Variants in RPS6KA2 observed in about 807,000 individuals in gnomAD.
RPS6KA2 encodes the protein ribosomal protein S6 kinase alpha-2.
RPS6KA2 carries 42 observed loss-of-function variants against 91.8 expected under a neutral mutation model. The ratio of observed to expected loss-of-function variants is 0.46; its 90% confidence interval spans 0.36 to 0.59. RPS6KA2 has a LOEUF of 0.59. RPS6KA2 is among the 20% of genes least tolerant of loss of function. The probability of loss-of-function intolerance (pLI) is 0.00; values close to 1 mark genes in which losing one functional copy is unlikely to be tolerated. For synonymous variants in RPS6KA2, 414 were observed against 393.6 expected (o/e 1.05, Z -0.61); for missense variants, 798 against 978.5 (o/e 0.82, Z 2.46).
intron 2 of RPS6KA2, among the ~76,000 whole-genome samples, chr6:166,749,818 C>G (rs1791220260): frequency 1.3e-5 from 2 of 149,062 alleles, no homozygotes; most frequent in South Asian, 4.4e-4. Flanking sequence ...TCTGCACTGC[C>G]TGGCTGGGAG....
Position 166,526,341 on chromosome 6 carries a change from CTTTTTTTTTTT to C in RPS6KA2, c.298+4880_298+4890del, listed in dbSNP as rs10616497. ...TTTCTATTCTTCTATGTTTATATGG[CTTTTTTTTTTT>C]TTTTTTTTTTTTGGACAGGGTCTTG... On this transcript the variant is annotated intron_variant, in intron 3 of 20. Transcript: ENST00000265678. Among the ~76,000 whole-genome samples, 39 of 101,874 alleles carry C rather than the reference CTTTTTTTTTTT, an allele frequency of 3.8e-4. No individual in the cohort carries two copies. The East Asian group carries it at 9.8e-3, about 26-fold the overall frequency. 66.8% of individuals were successfully genotyped at this position (101,874 alleles called of 152,430 possible).
At chr6:166,643,435 C>T (rs565120639) in intron 2 of RPS6KA2, among the ~76,000 whole-genome samples, 3 of 152,116 alleles carry the variant, frequency 2.0e-5, no homozygotes, top group Non-Finnish European at 2.9e-5. Context: ...TAATGTCATA[C>T]ATAGGATGCA....
chr6:166,689,167 C>T (rs1056816863), intron 2 of RPS6KA2, among the ~76,000 whole-genome samples: 1 of 152,254 alleles, frequency 6.6e-6, no homozygotes, highest in Admixed American at 6.5e-5. Flanking sequence ...AAAGCCCTCG[C>T]TTTCTCAGTG....
At chr6:166,817,716 CTT>C (rs67738740) in intron 2 of RPS6KA2, among the ~76,000 whole-genome samples, 74,942 of 141,100 alleles carry the variant, frequency 0.53, 19,841 homozygotes, top group Middle Eastern at 0.64. Context: ...CATCTTTTTT[CTT>C]TTTTTCTTTT....
Position 166,500,477 on chromosome 6 carries a change from C to T in RPS6KA2, c.604+410G>A, listed in dbSNP as rs138504409. On this transcript the variant is annotated intron_variant, in intron 7 of 20. Coordinates refer to ENST00000265678, the MANE Select transcript of RPS6KA2 (RefSeq NM_021135.6). This position sits in a 1 kb window ranked among gnomAD's most constrained non-coding sequence, Gnocchi z 4.3. ...CATCAGTGAGGGCAGCAGTGCAGGC[C>T]GCACTCCAGCGAGACTCCAGATGTC... 1.4e-4 allele frequency among the ~76,000 whole-genome samples: 21 copies of T among 152,222 alleles called. No individual in the cohort carries two copies. The highest frequency in any genetic ancestry group is 5.8e-4 in the East Asian group (3 of 5,190).
chr6:166,740,536 T>C (rs78311864), intron 2 of RPS6KA2, among the ~76,000 whole-genome samples: 1,545 of 152,350 alleles, frequency 0.01, 21 homozygotes, highest in African/African-American at 0.035. Context: ...CCAGTCTTTA[T>C]GTTCTTAAGT....
intron 1 of RPS6KA2, among the ~76,000 whole-genome samples, chr6:166,859,551 C>T (rs1780996112): frequency 6.6e-6 from 1 of 152,190 alleles, no homozygotes; most frequent in African/African-American, 2.4e-5. Context: ...GTTGCCTTGT[C>T]AACACACCCA....
chr6:166,687,183 C>T (rs1382448611), intron 2 of RPS6KA2, among the ~76,000 whole-genome samples: 1 of 152,228 alleles, frequency 6.6e-6, no homozygotes, highest in African/African-American at 2.4e-5. Context: ...ATTGCAACAG[C>T]AGCCACCGCG....
chr6:166,655,570 A>C (rs551536341), intron 2 of RPS6KA2, among the ~76,000 whole-genome samples: 1 of 152,380 alleles, frequency 6.6e-6, no homozygotes, highest in Admixed American at 6.5e-5. Context: ...GAGACAGAGC[A>C]GGGCGGGTAA....
In RPS6KA2 at chr6:166,495,452, G is replaced by T. The variant is rs374336872; in HGVS notation, c.747+3056C>A. On this transcript the variant is annotated intron_variant, in intron 8 of 20. Transcript: ENST00000265678. This position sits in a 1 kb window ranked among gnomAD's most constrained non-coding sequence, Gnocchi z 4.4. ...AGGAGAGTGCCTGCTGTGTTGACGT[G>T]CCGGGCAGCGCTGGGCCAGGCCTCC... 6.6e-6 allele frequency among the ~76,000 whole-genome samples: 1 copy of T among 152,168 alleles called. No individual in the cohort carries two copies. Among genetic ancestry groups the T allele is most frequent in the African/African-American group, 2.4e-5 (1 of 41,420 alleles).
At chr6:166,658,940 C>T (rs973125941) in intron 2 of RPS6KA2, among the ~76,000 whole-genome samples, 2 of 152,142 alleles carry the variant, frequency 1.3e-5, no homozygotes, top group Admixed American at 1.3e-4. Flanking sequence ...GAACCCGCCC[C>T]GACACGTGAC....
At chr6:166,591,855 G>A (rs1423965524) in intron 1 of RPS6KA2, among the ~76,000 whole-genome samples, 2 of 152,200 alleles carry the variant, frequency 1.3e-5, no homozygotes, top group African/African-American at 2.4e-5. Flanking sequence ...TCAAGCCTGT[G>A]TGTATTACAC....
chr6:166,739,282 C>T (rs973982390), intron 2 of RPS6KA2, among the ~76,000 whole-genome samples: 1 of 152,206 alleles, frequency 6.6e-6, no homozygotes, highest in Admixed American at 6.5e-5. Flanking sequence ...TAAATCTGCA[C>T]AGTGCTAACG....
Position 166,412,944 on chromosome 6 carries a change from G to GGAGCCC in RPS6KA2, c.2077-63_2077-58dup, listed in dbSNP as rs1778364021. Reference sequence around the variant, plus strand: ...GGCGCCTCACTCCAGGGGTTGAGCCGGAGCCCGGGGCCTCCATGGGCCTCA... The same window carrying GGAGCCC: ...GGCGCCTCACTCCAGGGGTTGAGCCGGAGCCCGAGCCCGGGGCCTCCATGGGCCTCA... On this transcript the variant is annotated intron_variant, in intron 20 of 20. Transcript: ENST00000265678. This position sits in a 1 kb window ranked among gnomAD's most constrained non-coding sequence, Gnocchi z 4.3. The GGAGCCC allele has an allele frequency of 6.7e-7, 1 of 1,484,818 alleles. No individual in the cohort carries two copies. The highest frequency in any genetic ancestry group is 1.4e-5 in the African/African-American group (1 of 71,134). 92.0% of individuals were successfully genotyped at this position (1,484,818 alleles called of 1,614,324 possible).
intron 10 of RPS6KA2, among the ~76,000 whole-genome samples, chr6:166,475,155 C>CA (rs59940877): frequency 2.1e-5 from 2 of 95,024 alleles, no homozygotes; most frequent in African/African-American, 1.8e-4. Context: ...GGGATGTGCC[C>CA]CAGCCTGTGG....
Position 166,679,885 on chromosome 6 carries a change from G to C in RPS6KA2, c.124-141101C>G, listed in dbSNP as rs113168549. On this transcript the variant is annotated intron_variant, in intron 2 of 21. Coordinates refer to the RPS6KA2 transcript ENST00000503859. ...GCCAGCGCCTGCTGGGCTTGATGGG[G>C]GACGAGCTCCCTCTGGGCTGCAGGA... Among the ~76,000 whole-genome samples the C allele has an allele frequency of 3.4e-3, 516 of 152,364 alleles. 2 individuals are homozygous for C. Among genetic ancestry groups the C allele is most frequent in the African/African-American group, 0.011 (473 of 41,596 alleles).
intron 3 of RPS6KA2, among the ~76,000 whole-genome samples, chr6:166,526,148 C>T (rs1783020801): frequency 6.6e-6 from 1 of 152,010 alleles, no homozygotes; most frequent in South Asian, 2.1e-4. Flanking sequence ...GTATTATTTG[C>T]AAAGCTTTTC....
chr6:166,511,200 T>C (rs984943320), intron 3 of RPS6KA2, among the ~76,000 whole-genome samples: 4 of 152,170 alleles, frequency 2.6e-5, no homozygotes, highest in Non-Finnish European at 5.9e-5. Context: ...TGTCCCTTTG[T>C]AACAAGAACC....
chr6:166,759,087 ATGTGTGTGCC>A (rs1778100212), intron 2 of RPS6KA2, among the ~76,000 whole-genome samples: 2 of 93,968 alleles, frequency 2.1e-5, no homozygotes, highest in Admixed American at 2.4e-4. Context: ...GTGTGTGCAC[ATGTGTGTGCC>A]TGTGTGTGCA....
Sources: gnomAD v4.1 joint callset for allele counts (sites outside exome capture counted in the v4.1 genomes callset) on GRCh38, gnomAD v4.1.1 for gene constraint, Gnocchi (gnomAD v3.1) non-coding constraint, MANE v1.5 for transcripts, NCBI Gene and HGNC (gene_info 2026-07-23, HGNC 2026-07-21) for gene names.